The following COL14A1 variants were observed in gnomAD, a reference collection of about 807,000 sequenced individuals.
COL14A1 encodes collagen type XIV alpha 1 chain.
A neutral mutation model predicts 230.3 loss-of-function variants in COL14A1; 136 were observed. The observed-to-expected ratio is 0.59, with a 90% CI of 0.51 to 0.68. COL14A1 has a LOEUF of 0.68. Among genes scored for constraint, COL14A1 ranks in the 30% least tolerant of loss-of-function variants. The pLI is 0.00. For missense variants in COL14A1, 1,976 were observed against 2,215.8 expected, an observed-to-expected ratio of 0.89 and a Z score of 2.17; for synonymous variants, 792 against 784.1, an observed-to-expected ratio of 1.01 and a Z score of -0.17.
intron 46 of COL14A1, among the ~76,000 whole-genome samples, chr8:120,367,941 C>G (rs1325726851): frequency 1.3e-5 from 2 of 150,060 alleles, no homozygotes; most frequent in African/African-American, 4.9e-5. Context: ...GAGACCCTGT[C>G]TCGAAAAAAA....
At chr8:120,205,680 A>G (rs906090862) in intron 9 of COL14A1, among the ~76,000 whole-genome samples, 4 of 152,100 alleles carry the variant, frequency 2.6e-5, no homozygotes, top group African/African-American at 9.7e-5. Context: ...CTGGGCACCC[A>G]AGCAGTATGA....
At chr8:120,139,380 T>G (rs1814820660) in intron 1 of COL14A1, among the ~76,000 whole-genome samples, 1 of 152,196 alleles carries the variant, frequency 6.6e-6, no homozygotes, top group South Asian at 2.1e-4. Flanking sequence ...GTTGATCATT[T>G]CAAACCTGTA....
At chr8:120,196,992 A>C in intron 6 of COL14A1, 46 bp downstream of exon 6, 1 of 1,575,240 alleles carries the variant, frequency 6.3e-7, no homozygotes, top group Non-Finnish European at 8.7e-7. Flanking sequence ...TCAGTGCAAA[A>C]CTGCTGGGAA....
At chr8:120,202,082 A>G (rs553115701) in intron 8 of COL14A1, among the ~76,000 whole-genome samples, 1 of 152,332 alleles carries the variant, frequency 6.6e-6, no homozygotes, top group South Asian at 2.1e-4. Context: ...TCAGGCAAGA[A>G]CCATCAGAGA....
intron 23 of COL14A1, among the ~76,000 whole-genome samples, chr8:120,259,001 T>C (rs1215787020): frequency 1.3e-5 from 2 of 152,092 alleles, no homozygotes; most frequent in Middle Eastern, 3.2e-3. Context: ...TAGATAAAGG[T>C]TTAGAGGATG....
intron 2 of COL14A1, among the ~76,000 whole-genome samples, chr8:120,157,239 C>T (rs538921825): frequency 1.3e-5 from 2 of 152,190 alleles, no homozygotes; most frequent in South Asian, 2.1e-4. Context: ...TATAAATCAG[C>T]TATCCTTGAA....
At chr8:120,284,107 A>C (rs78488878) in intron 32 of COL14A1, among the ~76,000 whole-genome samples, 3,236 of 152,298 alleles carry the variant, frequency 0.021, 55 homozygotes, top group Middle Eastern at 0.11. Flanking sequence ...GTGGGACCAC[A>C]GTTCATTTTT....
chr8:120,209,036 A>G (rs1055333595), intron 11 of COL14A1, among the ~76,000 whole-genome samples: 7 of 152,182 alleles, frequency 4.6e-5, no homozygotes, highest in African/African-American at 1.7e-4. Context: ...ACTAATCACA[A>G]TGCGCCAGGC....
At chr8:120,177,123 T>C (rs1043859575) in intron 5 of COL14A1, among the ~76,000 whole-genome samples, 1 of 152,084 alleles carries the variant, frequency 6.6e-6, no homozygotes, top group Admixed American at 6.6e-5. Context: ...GCCTGCCCAC[T>C]CAAGAAATTA....
intron 26 of COL14A1, among the ~76,000 whole-genome samples, chr8:120,275,369 A>T (rs1819806346): frequency 6.6e-6 from 1 of 152,016 alleles, no homozygotes; most frequent in Non-Finnish European, 1.5e-5. Context: ...TAAATCTAAG[A>T]CCTGAAATGA....
chr8:120,334,731 C>G (rs1251925323), intron 42 of COL14A1, among the ~76,000 whole-genome samples: 1 of 152,062 alleles, frequency 6.6e-6, no homozygotes, highest in African/African-American at 2.4e-5. Flanking sequence ...AGCCTGCTTC[C>G]CAGAATGTGC....
chr8:120,371,268 C>G lies in COL14A1; in HGVS notation c.*37C>G. ...GAAATTTGAAGACCAACTGCAAGAA[C>G]TCTTAAGGAATCTTGTTTGAGAAAA... On this transcript the variant is annotated 3_prime_UTR_variant, in exon 48 of 48. Coordinates refer to ENST00000297848, the MANE Select transcript of COL14A1 (RefSeq NM_021110.4). 6.6e-7 allele frequency: 1 copy of G among 1,515,212 alleles called. No homozygotes were observed. The highest frequency in any genetic ancestry group is 9.1e-7 in the Non-Finnish European group (1 of 1,099,462). 93.9% of individuals were successfully genotyped at this position (1,515,212 alleles called of 1,614,324 possible). A position where few individuals can be genotyped will look rare whatever the true frequency, so the allele number is the denominator to read the frequency against.
At chr8:120,253,122 A>G (rs2129696691) in intron 22 of COL14A1, among the ~76,000 whole-genome samples, 2 of 152,172 alleles carry the variant, frequency 1.3e-5, no homozygotes, top group Non-Finnish European at 2.9e-5. Context: ...CCTTAGTTAT[A>G]CCACAGCATC....
chr8:120,255,643 G>A (rs1258280777), intron 23 of COL14A1, among the ~76,000 whole-genome samples: 3 of 152,186 alleles, frequency 2.0e-5, no homozygotes, highest in Non-Finnish European at 4.4e-5. Context: ...AGCACTTGCA[G>A]TAGTGCTTTG....
At chr8:120,308,225 A>G (rs1247817891) in intron 36 of COL14A1, among the ~76,000 whole-genome samples, 1 of 152,136 alleles carries the variant, frequency 6.6e-6, no homozygotes, top group East Asian at 1.9e-4. Context: ...CAAGTGATCC[A>G]CCCGCCTTGG....
chr8:120,228,799 C>A, intron 18 of COL14A1, 30 bp downstream of exon 18: 3 of 1,594,134 alleles, frequency 1.9e-6, no homozygotes, highest in Non-Finnish European at 2.6e-6. Flanking sequence ...TGCTTAACCA[C>A]TTTAAAAATT....
At position 120,266,803 on chromosome 8, in the gene COL14A1, G is replaced by C. The variant is rs774412957; in HGVS notation, c.3017-24G>C. ...CCCACAGATGAGATGGTGAACTGAT[G>C]TCCTTTCTCCCTTTCCTTTACAGAA... On this transcript the variant is annotated intron_variant, in intron 24 of 47. Coordinates refer to ENST00000297848, the MANE Select transcript of COL14A1 (RefSeq NM_021110.4). 2.5e-6 allele frequency: 4 copies of C among 1,601,282 alleles called. No individual in the cohort carries two copies. The African/African-American group carries it at 5.4e-5, about 21-fold the overall frequency.
chr8:120,262,301 C>A (rs1213687701), intron 23 of COL14A1, among the ~76,000 whole-genome samples: 1 of 151,896 alleles, frequency 6.6e-6, no homozygotes, highest in Non-Finnish European at 1.5e-5. Context: ...GGTGAAACTG[C>A]ATCTCTATTA....
At chr8:120,264,732 A>G (rs561206311) in intron 24 of COL14A1, among the ~76,000 whole-genome samples, 1 of 152,134 alleles carries the variant, frequency 6.6e-6, no homozygotes, top group Non-Finnish European at 1.5e-5. Flanking sequence ...ATCTATCTTC[A>G]TGGTGCCAAT....
Sources: allele counts gnomAD v4.1 joint callset (sites outside exome capture counted in the v4.1 genomes callset), GRCh38; gene constraint gnomAD v4.1.1; transcripts MANE v1.5; gene names NCBI Gene and HGNC (gene_info 2026-07-23, HGNC 2026-07-21).